Variants in LY96 observed in about 807,000 individuals in gnomAD.
LY96 encodes lymphocyte antigen 96, also known as myeloid differentiation protein-2.
In LY96, 18 loss-of-function variants were observed where a neutral mutation model predicts 18.9. That is an observed-to-expected ratio of 0.95 (90% CI 0.66 to 1.41). The LOEUF is 1.41. LY96 is among the 40% of genes most tolerant of loss of function. The pLI is 0.00. For synonymous variants in LY96, 66 were observed against 62.6 expected, an observed-to-expected ratio of 1.06 and a Z score of -0.26; for missense variants, 175 against 182.4, an observed-to-expected ratio of 0.96 and a Z score of 0.23.
the LY96 span, among the ~76,000 whole-genome samples, chr8:74,095,217 C>T: frequency 6.6e-6 from 1 of 152,010 alleles, no homozygotes; most frequent in African/African-American, 2.4e-5. Context: ...TTATTTTTTT[C>T]TTCTGCTTAA....
chr8:73,997,910 A>G (rs959256945), intron 1 of LY96, among the ~76,000 whole-genome samples: 2 of 152,182 alleles, frequency 1.3e-5, no homozygotes, highest in Non-Finnish European at 2.9e-5. Context: ...CCATCCTCCT[A>G]GCATCTCCAT....
At chr8:74,098,482 T>G in the LY96 span, among the ~76,000 whole-genome samples, 2 of 152,256 alleles carry the variant, frequency 1.3e-5, no homozygotes, top group South Asian at 4.2e-4. Context: ...CTCAAGCGAT[T>G]CTCATGCGCC....
Position 74,002,081 on chromosome 8 carries a change from T to C in LY96, c.113-2715T>C, listed in dbSNP as rs1286089273. ...TTCCTTCCTTCCTTCCTTCCTTTCTTTCTTTCTTTCTTTCTCTCTCTCTCT... is the reference window on the plus strand; with the variant it reads ...TTCCTTCCTTCCTTCCTTCCTTTCTCTCTTTCTTTCTTTCTCTCTCTCTCT... On this transcript the variant is annotated intron_variant, in intron 1 of 4. Coordinates refer to ENST00000284818, the MANE Select transcript of LY96 (RefSeq NM_015364.5). Among the ~76,000 whole-genome samples, 69 of 27,656 alleles carry C rather than the reference T, an allele frequency of 2.5e-3. 13 individuals carry two copies. Among genetic ancestry groups the C allele is most frequent in the African/African-American group, 6.5e-3 (32 of 4,958 alleles). The allele number at this position is 27,656 out of a possible 152,430, so 18.1% of individuals were successfully genotyped here.
downstream of LY96, among the ~76,000 whole-genome samples, chr8:74,029,634 C>T (rs568041540): frequency 2.8e-4 from 43 of 152,244 alleles, 1 homozygote; most frequent in Admixed American, 2.5e-3. Flanking sequence ...CCTGCAGAGC[C>T]GTGAGTCAGT....
chr8:74,053,861 G>A, the LY96 span, among the ~76,000 whole-genome samples: 2 of 152,168 alleles, frequency 1.3e-5, no homozygotes, highest in African/African-American at 2.4e-5. Context: ...GGCTTTATAA[G>A]AGGAAGAGAA....
At chr8:74,082,616 T>C in the LY96 span, among the ~76,000 whole-genome samples, 2 of 152,186 alleles carry the variant, frequency 1.3e-5, no homozygotes, top group African/African-American at 2.4e-5. Flanking sequence ...GAGGCTCCTA[T>C]AACAAAATAA....
At chr8:74,014,935 G>A (rs150927944) in intron 3 of LY96, among the ~76,000 whole-genome samples, 56 of 152,114 alleles carry the variant, frequency 3.7e-4, no homozygotes, top group African/African-American at 1.1e-3. Context: ...GGCTGGGCAC[G>A]GTAGCTCATG....
At chr8:73,995,788 C>A (rs905537533) in intron 1 of LY96, among the ~76,000 whole-genome samples, 1 of 151,862 alleles carries the variant, frequency 6.6e-6, no homozygotes, top group African/African-American at 2.4e-5. Context: ...TTTAGTGAAA[C>A]CAATATTCTC....
chr8:74,025,770 G>A (rs544709191), intron 3 of LY96, among the ~76,000 whole-genome samples: 53 of 152,278 alleles, frequency 3.5e-4, no homozygotes, highest in African/African-American at 1.2e-3. Context: ...CACTTTGGAA[G>A]GCCAAGGCGG....
At chr8:74,024,585 C>T (rs922147906) in intron 3 of LY96, among the ~76,000 whole-genome samples, 4 of 151,924 alleles carry the variant, frequency 2.6e-5, no homozygotes, top group South Asian at 2.1e-4. Context: ...CTATGAGATA[C>T]GTGTTATCGC....
the LY96 span, among the ~76,000 whole-genome samples, chr8:74,068,591 T>G: frequency 2.0e-5 from 3 of 152,234 alleles, no homozygotes; most frequent in Non-Finnish European, 4.4e-5. Flanking sequence ...GTATGCTTAC[T>G]CTACATTCTC....
At chr8:74,026,931 T>C in intron 4 of LY96, 90 bp downstream of exon 4, 1 of 685,750 alleles carries the variant, frequency 1.5e-6, no homozygotes, top group Non-Finnish European at 2.6e-6. Context: ...AACTTCTTCC[T>C]TTTTCTTTCT....
intron 3 of LY96, among the ~76,000 whole-genome samples, chr8:74,023,082 T>A (rs1268084432): frequency 6.6e-6 from 1 of 152,140 alleles, no homozygotes; most frequent in Non-Finnish European, 1.5e-5. Context: ...GTGTTTTGTG[T>A]AAGTGAAATC....
At chr8:74,081,907 A>G in the LY96 span, among the ~76,000 whole-genome samples, 2 of 152,124 alleles carry the variant, frequency 1.3e-5, no homozygotes, top group African/African-American at 4.8e-5. Flanking sequence ...AAGTGCTGCG[A>G]TTACAGGCGT....
At chr8:74,057,284 C>A in the LY96 span, among the ~76,000 whole-genome samples, 3 of 152,074 alleles carry the variant, frequency 2.0e-5, no homozygotes, top group Non-Finnish European at 4.4e-5. Context: ...CTTTGATGGC[C>A]TCAAAAGAAG....
the LY96 span, among the ~76,000 whole-genome samples, chr8:74,064,671 C>G: frequency 6.6e-6 from 1 of 152,128 alleles, no homozygotes; most frequent in African/African-American, 2.4e-5. Context: ...GCTTCCTATA[C>G]AGCCTGCAGA....
intron 3 of LY96, among the ~76,000 whole-genome samples, chr8:74,020,788 T>C (rs1361896458): frequency 2.0e-5 from 3 of 152,192 alleles, no homozygotes; most frequent in African/African-American, 7.2e-5. Context: ...CATTTGATCT[T>C]TGACAAACCT....
At chr8:74,009,141 A>T (rs979897122) in intron 2 of LY96, among the ~76,000 whole-genome samples, 3 of 151,434 alleles carry the variant, frequency 2.0e-5, no homozygotes, top group African/African-American at 7.3e-5. Context: ...TCATGCCTGT[A>T]ATCCCAGTAC....
At chr8:74,016,123 ACAGACTGTAC>A (rs1056453422) in intron 3 of LY96, among the ~76,000 whole-genome samples, 2 of 152,228 alleles carry the variant, frequency 1.3e-5, no homozygotes, top group African/African-American at 4.8e-5. Context: ...GGAAGCTGTG[ACAGACTGTAC>A]CAGGAAAATT....
Sources: gnomAD v4.1 joint callset for allele counts (sites outside exome capture counted in the v4.1 genomes callset) on GRCh38, gnomAD v4.1.1 for gene constraint, MANE v1.5 for transcripts, NCBI Gene and HGNC (gene_info 2026-07-23, HGNC 2026-07-21) for gene names.